Variants in ZCCHC14 observed in about 807,000 individuals in gnomAD.
The protein encoded by ZCCHC14 is zinc finger CCHC domain-containing protein 14.
In ZCCHC14, 16 loss-of-function variants were observed where a neutral mutation model predicts 85.0. That is an observed-to-expected ratio of 0.19 (90% CI 0.13 to 0.29). ZCCHC14 has a LOEUF of 0.29. Ranked by LOEUF, ZCCHC14 falls within the 10% of genes least tolerant of loss-of-function variation. The probability of loss-of-function intolerance (pLI) is 1.00; values close to 1 mark genes in which losing one functional copy is unlikely to be tolerated. For synonymous variants in ZCCHC14, 775 were observed against 630.7 expected (o/e 1.23, Z -3.43); for missense variants, 1,303 against 1,443.5 (o/e 0.90, Z 1.58).
chr16:87,474,984 G>C (rs1345801266), intron 1 of ZCCHC14, among the ~76,000 whole-genome samples: 1 of 152,208 alleles, frequency 6.6e-6, no homozygotes, highest in Non-Finnish European at 1.5e-5. Context: ...TCAATCTTCA[G>C]GAGGATAGAA....
intron 2 of ZCCHC14, among the ~76,000 whole-genome samples, chr16:87,439,345 G>A (rs1387574065): frequency 6.6e-6 from 1 of 152,090 alleles, no homozygotes; most frequent in Admixed American, 6.5e-5. Context: ...ATGTTGACCA[G>A]GCTGGCCTCA....
chr16:87,415,201 T>G (rs546950963), intron 9 of ZCCHC14, 75 bp downstream of exon 9: 2 of 1,331,922 alleles, frequency 1.5e-6, no homozygotes, highest in South Asian at 1.2e-5. Context: ...TATTTAGCAC[T>G]GGAAGCCTCA....
intron 1 of ZCCHC14, among the ~76,000 whole-genome samples, chr16:87,461,658 G>T (rs899095841): frequency 6.6e-6 from 1 of 152,320 alleles, no homozygotes; most frequent in African/African-American, 2.4e-5. Context: ...GGCTGGCCAG[G>T]TAGGCGTGGC....
In ZCCHC14 at chr16:87,491,624, G is replaced by A; in HGVS notation, c.570+45C>T. 8.1e-6 allele frequency: 11 copies of A among 1,361,954 alleles called. No individual in the cohort carries two copies. The highest frequency in any genetic ancestry group is 9.4e-6 in the Non-Finnish European group (10 of 1,059,988). The allele number at this position is 1,361,954 out of a possible 1,614,324, so 84.4% of individuals were successfully genotyped here. ...TGGAGGCTTGGAGTGCAGAGTTGGG[G>A]ATGCAGACTTGGGGTACAGGGCAGA... On this transcript the variant is annotated intron_variant, in intron 1 of 12. Coordinates refer to ENST00000671377, the MANE Select transcript of ZCCHC14 (RefSeq NM_015144.3). The surrounding 1 kb of genome is among the most constrained non-coding windows in gnomAD (Gnocchi z 5.9).
chr16:87,441,686 G>A (rs1381177038), intron 2 of ZCCHC14, among the ~76,000 whole-genome samples: 1 of 152,224 alleles, frequency 6.6e-6, no homozygotes, highest in Non-Finnish European at 1.5e-5. Flanking sequence ...ACAACTCTGA[G>A]ATTAAAAATA....
chr16:87,476,587 G>C (rs1471964842), intron 1 of ZCCHC14, among the ~76,000 whole-genome samples: 1 of 151,776 alleles, frequency 6.6e-6, no homozygotes. Context: ...GTCATCTCTA[G>C]ACCAGCCACT....
chr16:87,423,759 A>G, intron 4 of ZCCHC14, 51 bp downstream of exon 4: 3 of 1,596,166 alleles, frequency 1.9e-6, no homozygotes, highest in Non-Finnish European at 2.6e-6. Context: ...ATCATCAGCC[A>G]CTGGGGAATG....
At chr16:87,421,198 G>C (rs1017577333) in intron 4 of ZCCHC14, among the ~76,000 whole-genome samples, 2 of 152,212 alleles carry the variant, frequency 1.3e-5, no homozygotes, top group Non-Finnish European at 2.9e-5. Flanking sequence ...GCCAGAGAGA[G>C]CCCCATCGGT....
chr16:87,431,525 G>T (rs370533321), intron 3 of ZCCHC14, among the ~76,000 whole-genome samples: 1 of 151,614 alleles, frequency 6.6e-6, no homozygotes, highest in Non-Finnish European at 1.5e-5. Context: ...CAAAGCTATG[G>T]CCGGTCAGGT....
intron 2 of ZCCHC14, among the ~76,000 whole-genome samples, chr16:87,441,809 C>T (rs1363884647): frequency 1.3e-5 from 2 of 152,184 alleles, no homozygotes; most frequent in African/African-American, 2.4e-5. Context: ...GGAAACTGAA[C>T]TAAAGATGAT....
At chr16:87,486,848 C>T (rs1372273222) in intron 1 of ZCCHC14, among the ~76,000 whole-genome samples, 2 of 152,180 alleles carry the variant, frequency 1.3e-5, no homozygotes, top group East Asian at 3.8e-4. Context: ...AAGATGGAGA[C>T]AAAACAGTGC....
intron 1 of ZCCHC14, among the ~76,000 whole-genome samples, chr16:87,477,035 G>A (rs1912038740): frequency 7.0e-6 from 1 of 143,322 alleles, no homozygotes; most frequent in South Asian, 2.5e-4. Flanking sequence ...TGAGGCGGGA[G>A]AATTGCTTGA....
chr16:87,467,144 C>A, intron 1 of ZCCHC14: 1 of 1,081,034 alleles, frequency 9.3e-7, no homozygotes, highest in Non-Finnish European at 1.4e-6. Flanking sequence ...CCAGATCAGA[C>A]CTGTTGATAG....
chr16:87,426,291 C>T (rs1489829808), intron 3 of ZCCHC14, among the ~76,000 whole-genome samples: 2 of 152,170 alleles, frequency 1.3e-5, no homozygotes, highest in Non-Finnish European at 2.9e-5. Flanking sequence ...CTGCCTGACC[C>T]GTACTATGGG....
At chr16:87,416,400 C>T (rs1424436327) in intron 8 of ZCCHC14, among the ~76,000 whole-genome samples, 1 of 152,054 alleles carries the variant, frequency 6.6e-6, no homozygotes, top group African/African-American at 2.4e-5. Flanking sequence ...TCAATGCAAA[C>T]GTAAGAATAA....
intron 1 of ZCCHC14, among the ~76,000 whole-genome samples, chr16:87,486,804 G>A (rs1337394404): frequency 6.6e-6 from 1 of 152,172 alleles, no homozygotes; most frequent in Non-Finnish European, 1.5e-5. Flanking sequence ...TCATAGACCA[G>A]GCGGTTCCCA....
At chr16:87,426,457 A>G (rs1030482995) in intron 3 of ZCCHC14, among the ~76,000 whole-genome samples, 4 of 152,218 alleles carry the variant, frequency 2.6e-5, no homozygotes, top group Non-Finnish European at 2.9e-5. Context: ...ATTGTAATGC[A>G]TCTTCATCAC....
chr16:87,426,637 G>C (rs76300215), intron 3 of ZCCHC14, among the ~76,000 whole-genome samples: 2,521 of 152,212 alleles, frequency 0.017, 24 homozygotes, highest in Middle Eastern at 0.044. Flanking sequence ...ACAAGAAAAG[G>C]CTCAGCCAGG....
chr16:87,424,315 G>A (rs1760163561), intron 3 of ZCCHC14, among the ~76,000 whole-genome samples: 1 of 152,186 alleles, frequency 6.6e-6, no homozygotes, highest in Non-Finnish European at 1.5e-5. Context: ...CCGCCCAGGT[G>A]CTGTGGGCAC....
Sources: gnomAD v4.1 joint callset for allele counts (sites outside exome capture counted in the v4.1 genomes callset) on GRCh38, gnomAD v4.1.1 for gene constraint, Gnocchi (gnomAD v3.1) non-coding constraint, MANE v1.5 for transcripts, NCBI Gene and HGNC (gene_info 2026-07-23, HGNC 2026-07-21) for gene names.